Variants in ANKLE1 observed in about 807,000 individuals in gnomAD.
ANKLE1 encodes the protein structure-specific endonuclease ANKLE1.
Under a neutral mutation model 56.2 loss-of-function variants are expected in ANKLE1, and 59 were observed. That is an observed-to-expected ratio of 1.05 (90% CI 0.85 to 1.30). The LOEUF is 1.30. Ranked by LOEUF, ANKLE1 falls within the 50% of genes most tolerant of loss-of-function variation. ANKLE1 has a pLI of 0.00. For synonymous variants in ANKLE1, 341 were observed against 352.9 expected, an observed-to-expected ratio of 0.97 and a Z score of 0.38; for missense variants, 771 against 816.1, an observed-to-expected ratio of 0.94 and a Z score of 0.67.
chr19:17,284,034 C>G (rs1202392285), intron 5 of ANKLE1, 55 bp from the exon 6 acceptor site: 17 of 1,603,960 alleles, frequency 1.1e-5, no homozygotes, highest in Non-Finnish European at 1.3e-5. Flanking sequence ...GCTCTCAGCC[C>G]CACTTTCCTC....
At chr19:17,284,830 C>T (rs1052182969) in intron 6 of ANKLE1, among the ~76,000 whole-genome samples, 6 of 151,414 alleles carry the variant, frequency 4.0e-5, no homozygotes, top group African/African-American at 1.5e-4. Flanking sequence ...GGATTACAGG[C>T]ATGTGCCACC....
chr19:17,285,358 T>C, intron 6 of ANKLE1, 73 bp from the exon 7 acceptor site: 1 of 1,577,592 alleles, frequency 6.3e-7, no homozygotes, highest in Non-Finnish European at 8.6e-7. Flanking sequence ...TCAAGATATG[T>C]TGTGACTTTA....
Position 17,285,589 on chromosome 19 carries a change from A to C in ANKLE1, c.1535A>C (p.Gln512Pro). The C allele has an allele frequency of 6.2e-7, 1 of 1,613,890 alleles. No homozygotes were observed. The highest frequency in any genetic ancestry group is 8.5e-7 in the Non-Finnish European group (1 of 1,179,862). Residue 512 changes from glutamine to proline, a missense_variant and splice_region_variant, in exon 7 of 9, where the codon CAG (glutamine) becomes CCG (proline). Coordinates refer to ENST00000404085, the MANE Select transcript of ANKLE1 (RefSeq NM_152363.6). Reference sequence around the variant, plus strand: ...GGTCACCATGGGCGGTCAAGAAAACAGGTGTGAGGACAGGGATCAGGGTTC... The same window carrying C: ...GGTCACCATGGGCGGTCAAGAAAACCGGTGTGAGGACAGGGATCAGGGTTC... ...ALGHHGRSRK[Q>P]PHQACPKVRQ...
rs779198787 is a variant in ANKLE1 at position 17,285,661 on chromosome 19, G to A, written c.1537-20G>A. On this transcript the variant is annotated intron_variant, in intron 7 of 8. Transcript: ENST00000404085. ...GGCAGGGGAGGGTATTGGGGGTGCTGACTCCTGATTCTGCCCTAGCCCCAC... is the reference window on the plus strand; with the variant it reads ...GGCAGGGGAGGGTATTGGGGGTGCTAACTCCTGATTCTGCCCTAGCCCCAC... 1.9e-6 allele frequency: 3 copies of A among 1,613,972 alleles called. No homozygotes were observed. Among genetic ancestry groups the A allele is most frequent in the Middle Eastern group, 1.6e-4 (1 of 6,062 alleles).
rs1324846403 is a variant in ANKLE1 at position 17,283,637 on chromosome 19, C to T, written c.873C>T (p.Ser291=). 2.5e-6 allele frequency: 4 copies of T among 1,612,894 alleles called. No individual in the cohort carries two copies. The highest frequency in any genetic ancestry group is 2.5e-6 in the Non-Finnish European group (3 of 1,179,428). Residue 291 remains serine, a synonymous_variant, in exon 5 of 9, where the codon TCC becomes TCT. Coordinates refer to ENST00000404085, the MANE Select transcript of ANKLE1 (RefSeq NM_152363.6). The part of the protein sequence containing the change: ...TPPNAAGFQS[S]PSSMPLLDRS... The stretch of plus-strand genomic sequence containing the variant: ...CAAATGCTGCTGGCTTCCAGTCCTC[C>T]CCTTCCTCCATGCCTCTCCTGGACA...
At chr19:17,282,280 C>T (rs2073981785) in intron 2 of ANKLE1, 71 bp downstream of exon 2, 1 of 1,362,240 alleles carries the variant, frequency 7.3e-7, no homozygotes, top group African/African-American at 2.2e-5. Context: ...AGGGGCGCCC[C>T]ATCATCCCGG....
chr19:17,283,079 C>T (rs1225310100), intron 4 of ANKLE1, 77 bp downstream of exon 4: 7 of 1,536,754 alleles, frequency 4.6e-6, no homozygotes, highest in Non-Finnish European at 6.1e-6. Flanking sequence ...CCCACCCCAC[C>T]CATTGGTTCT....
Position 17,286,624 on chromosome 19 carries a change from C to T in ANKLE1, c.*72C>T, listed in dbSNP as rs557056313. 25 of 1,546,124 alleles carry T rather than the reference C, an allele frequency of 1.6e-5. No homozygotes were observed. In the African/African-American group the frequency reaches 2.7e-4, roughly 17 times the overall value. The stretch of plus-strand genomic sequence containing the variant: ...TCCAGCTGCCCCATGCTGACAGCAG[C>T]CCCCATCTCTGGTTTCAGAAGGGGT... On this transcript the variant is annotated 3_prime_UTR_variant, in exon 9 of 9. Coordinates refer to ENST00000404085, the MANE Select transcript of ANKLE1 (RefSeq NM_152363.6).
chr19:17,282,689 C>G lies in ANKLE1; in HGVS notation c.249C>G (p.Ala83=). ...SVEALTPLHV[A]AAWGCRRGLE... The stretch of plus-strand genomic sequence containing the variant: ...AGGCACTGACGCCGCTGCATGTGGC[C>G]GCCGCGTGGGGCTGCCGCCGCGGCC... Residue 83 remains alanine (A), a synonymous_variant, in exon 3 of 9, where the codon GCC becomes GCG. Transcript: ENST00000404085. 1 of 1,535,430 alleles carries G rather than the reference C, an allele frequency of 6.5e-7. No homozygotes were observed. The highest frequency in any genetic ancestry group is 1.2e-5 in the South Asian group (1 of 83,982).
At chr19:17,284,997 C>T (rs1022683023) in intron 6 of ANKLE1, among the ~76,000 whole-genome samples, 20 of 151,996 alleles carry the variant, frequency 1.3e-4, no homozygotes, top group Admixed American at 2.6e-4. Context: ...TGGTGGCTCA[C>T]GCCTGTAATA....
intron 4 of ANKLE1, 61 bp downstream of exon 4, chr19:17,283,063 G>A (rs893434440): frequency 1.3e-6 from 2 of 1,537,204 alleles, no homozygotes; most frequent in Non-Finnish European, 1.7e-6. Context: ...GACATCCAGG[G>A]TCTTCCCCAC....
intron 8 of ANKLE1, 125 bp downstream of exon 8, chr19:17,285,944 C>A: frequency 7.6e-7 from 1 of 1,308,754 alleles, no homozygotes; most frequent in Non-Finnish European, 1.0e-6. Context: ...CAACTTTGAA[C>A]CTGCACATGC....
Position 17,286,888 on chromosome 19 carries a change from T to TC in ANKLE1, c.*338dup. On this transcript the variant is annotated 3_prime_UTR_variant, in exon 9 of 9. Transcript: ENST00000404085. ...TAAGAGGCGTTTGAACCTGGGCAAC[T>TC]CCACCTGGAATAGGAGCTGGGTAAA... 2 of 990,308 alleles carry TC rather than the reference T, an allele frequency of 2.0e-6. No individual in the cohort carries two copies. The highest frequency in any genetic ancestry group is 2.5e-6 in the Non-Finnish European group (2 of 793,112). 61.3% of individuals were successfully genotyped at this position (990,308 alleles called of 1,614,324 possible).
chr19:17,285,529 G>A lies in ANKLE1; in HGVS notation c.1475G>A (p.Arg492Lys), dbSNP rs369712754. 2.5e-6 allele frequency: 4 copies of A among 1,613,930 alleles called. No homozygotes were observed. The highest frequency in any genetic ancestry group is 3.4e-6 in the Non-Finnish European group (4 of 1,179,892). Reference sequence around the variant, plus strand: ...ATCTTCTACGTGGGCAAAGGGACGAGGGCCCGGCCATATGTCCACCTCTGG... The same window carrying A: ...ATCTTCTACGTGGGCAAAGGGACGAAGGCCCGGCCATATGTCCACCTCTGG... ...RAIFYVGKGTRARPYVHLWEA... is the reference protein window; with the variant it reads ...RAIFYVGKGTKARPYVHLWEA... The change falls in exon 7 of 9, where the codon AGG becomes AAG. Residue 492 changes from arginine (R) to lysine (K), a missense_variant. Physicochemically the swap from Arg to Lys is conservative, Grantham distance 26. Coordinates refer to ENST00000404085, the MANE Select transcript of ANKLE1 (RefSeq NM_152363.6).
chr19:17,283,436 G>A lies in ANKLE1; in HGVS notation c.672G>A (p.Ala224=), dbSNP rs757817274. ...DYSSDASFVT[A]VEVSGAEDPA... ...GCTCAGACGCCTCTTTCGTCACAGC[G>A]GTTGAGGTCTCTGGAGCTGAGGACC... Residue 224 remains alanine (A), a synonymous_variant, in exon 5 of 9, where the codon GCG becomes GCA. Transcript: ENST00000404085. 55 of 1,613,426 alleles carry A rather than the reference G, an allele frequency of 3.4e-5. No individual in the cohort carries two copies. The highest frequency in any genetic ancestry group is 5.3e-5 in the African/African-American group (4 of 74,918).
intron 8 of ANKLE1, among the ~76,000 whole-genome samples, chr19:17,286,077 C>A (rs891019): frequency 6.6e-6 from 1 of 152,024 alleles, no homozygotes; most frequent in Non-Finnish European, 1.5e-5. Flanking sequence ...GGCGTGATCC[C>A]GACTCACTGC....
At position 17,286,645 on chromosome 19, in the gene ANKLE1, GGGGTGTGT is replaced by G. The variant is rs1568343533; in HGVS notation, c.*95_*102del. The G allele has an allele frequency of 1.3e-6, 2 of 1,511,834 alleles. No homozygotes were observed. Among genetic ancestry groups the G allele is most frequent in the African/African-American group, 1.5e-5 (1 of 67,342 alleles). The allele number at this position is 1,511,834 out of a possible 1,614,324, so 93.7% of individuals were successfully genotyped here. On this transcript the variant is annotated 3_prime_UTR_variant, in exon 9 of 9. Transcript: ENST00000404085. The stretch of plus-strand genomic sequence containing the variant: ...GCAGCCCCCATCTCTGGTTTCAGAA[GGGGTGTGT>G]GTGTGTGTGTGTGTGTGTGTGTGTG...
At position 17,286,693 on chromosome 19, in the gene ANKLE1, T is replaced by C. The variant is rs1371766199; in HGVS notation, c.*141T>C. ...GTGTGTGTGTGTGTGTGTGTGTGTT[T>C]GTGTGTGTGTGTGTGTGTGTAGGGA... On this transcript the variant is annotated 3_prime_UTR_variant, in exon 9 of 9. Coordinates refer to ENST00000404085, the MANE Select transcript of ANKLE1 (RefSeq NM_152363.6). 1 of 1,210,692 alleles carries C rather than the reference T, an allele frequency of 8.3e-7. No individual in the cohort carries two copies. Among genetic ancestry groups the C allele is most frequent in the African/African-American group, 3.3e-5 (1 of 29,874 alleles). The allele number at this position is 1,210,692 out of a possible 1,614,324, so 75.0% of individuals were successfully genotyped here.
intron 6 of ANKLE1, 126 bp downstream of exon 6, chr19:17,284,392 T>TA: frequency 1.1e-6 from 1 of 928,992 alleles, no homozygotes; most frequent in Admixed American, 3.0e-5. Flanking sequence ...TCTTTTTTTT[T>TA]ATTTTTTTAA....
Sources: allele counts gnomAD v4.1 joint callset (sites outside exome capture counted in the v4.1 genomes callset), GRCh38; gene constraint gnomAD v4.1.1; transcripts MANE v1.5; gene names NCBI Gene and HGNC (gene_info 2026-07-23, HGNC 2026-07-21).